The following ERC2 variants were observed in gnomAD, a reference collection of about 807,000 sequenced individuals.
The protein encoded by ERC2 is ELKS/RAB6-interacting/CAST family member 2.
In ERC2, 42 loss-of-function variants were observed where a neutral mutation model predicts 114.8. The observed-to-expected ratio is 0.37, with a 90% CI of 0.29 to 0.47. The LOEUF (loss-of-function observed/expected upper bound fraction) is 0.47. Among genes scored for constraint, ERC2 ranks in the 20% least tolerant of loss-of-function variants. The pLI, the probability that ERC2 is intolerant of heterozygous loss-of-function variation, is 0.99. For synonymous variants in ERC2, 454 were observed against 425.5 expected, an observed-to-expected ratio of 1.07 and a Z score of -0.82; for missense variants, 939 against 1,150.7, an observed-to-expected ratio of 0.82 and a Z score of 2.66.
At chr3:56,105,225 G>A (rs2078589040) in intron 6 of ERC2, among the ~76,000 whole-genome samples, 1 of 152,168 alleles carries the variant, frequency 6.6e-6, no homozygotes, top group Admixed American at 6.5e-5. Flanking sequence ...GGTAAGGACA[G>A]GGATGAAGAA....
intron 14 of ERC2, among the ~76,000 whole-genome samples, chr3:55,849,909 A>T (rs1056592518): frequency 3.3e-5 from 5 of 152,226 alleles, no homozygotes; most frequent in Admixed American, 1.3e-4. Context: ...TTGCCATAAT[A>T]AATTACCGCT....
chr3:56,141,364 G>C (rs1442651544), intron 5 of ERC2, among the ~76,000 whole-genome samples: 2 of 152,148 alleles, frequency 1.3e-5, no homozygotes, highest in African/African-American at 2.4e-5. Flanking sequence ...TAGCCTACAG[G>C]GGGACTGGCA....
At chr3:56,390,165 C>T (rs763777071) in intron 2 of ERC2, among the ~76,000 whole-genome samples, 13 of 152,062 alleles carry the variant, frequency 8.5e-5, no homozygotes, top group Non-Finnish European at 1.5e-4. Flanking sequence ...CTATTAGAAA[C>T]CATTCTTTAA....
intron 17 of ERC2, among the ~76,000 whole-genome samples, chr3:55,668,995 C>T (rs1007468106): frequency 3.9e-5 from 6 of 152,192 alleles, no homozygotes; most frequent in South Asian, 2.1e-4. Context: ...GGTTATCCCT[C>T]CCAGTGTCTT....
At chr3:55,937,659 A>T (rs1034921154) in intron 13 of ERC2, among the ~76,000 whole-genome samples, 2 of 152,104 alleles carry the variant, frequency 1.3e-5, no homozygotes, top group Non-Finnish European at 2.9e-5. Flanking sequence ...ATACAAGAGT[A>T]AAAAAAAGCA....
chr3:56,205,533 T>C (rs1267011201), intron 3 of ERC2, among the ~76,000 whole-genome samples: 1 of 152,186 alleles, frequency 6.6e-6, no homozygotes, highest in African/African-American at 2.4e-5. Context: ...CATTAGGGCC[T>C]ATTATCTTTT....
chr3:56,116,557 A>G (rs1228524638), intron 6 of ERC2, among the ~76,000 whole-genome samples: 1 of 152,200 alleles, frequency 6.6e-6, no homozygotes, highest in East Asian at 1.9e-4. Context: ...TTCAATATTC[A>G]TAAAGTCAGG....
chr3:56,332,119 G>A (rs149978324), intron 2 of ERC2, among the ~76,000 whole-genome samples: 14 of 140,112 alleles, frequency 1.0e-4, no homozygotes, highest in African/African-American at 3.6e-4. Flanking sequence ...CCAGGGGAAA[G>A]ACTTCCTATT....
chr3:55,621,162 T>C (rs541848424), intron 17 of ERC2, among the ~76,000 whole-genome samples: 1,985 of 151,196 alleles, frequency 0.013, 57 homozygotes, highest in African/African-American at 0.047. Context: ...CTGCCCCCCC[T>C]CCAGCCAGAG....
chr3:56,109,049 A>C (rs1180440571), intron 6 of ERC2, among the ~76,000 whole-genome samples: 1 of 152,170 alleles, frequency 6.6e-6, no homozygotes, highest in African/African-American at 2.4e-5. Context: ...TCGAGGATAC[A>C]TGTGCAGGTT....
At chr3:56,024,202 A>C (rs1313195274) in intron 7 of ERC2, among the ~76,000 whole-genome samples, 1 of 152,188 alleles carries the variant, frequency 6.6e-6, no homozygotes, top group African/African-American at 2.4e-5. Flanking sequence ...AAAGGCTAGA[A>C]AATCAGGGTC....
chr3:56,410,409 T>C (rs896074056), intron 2 of ERC2, among the ~76,000 whole-genome samples: 5 of 152,232 alleles, frequency 3.3e-5, no homozygotes, highest in African/African-American at 4.8e-5. Context: ...CAGCACGATA[T>C]TCCTGTAATA....
intron 14 of ERC2, among the ~76,000 whole-genome samples, chr3:55,781,489 T>A (rs1053266604): frequency 1.8e-4 from 26 of 148,348 alleles, no homozygotes; most frequent in African/African-American, 5.2e-4. Context: ...TTTAATTTTT[T>A]AAAAATGGTT....
rs35092672 is a variant in ERC2, at chr3:56,084,014, GA to G, written c.1474-3031del. The stretch of plus-strand genomic sequence containing the variant: ...TAGGCAAGTAAAATTTGAATGGAAA[GA>G]AAAAAAAAGAATAAAGAAATCAAAA... On this transcript the variant is annotated intron_variant, in intron 6 of 17. Coordinates refer to ENST00000288221, the MANE Select transcript of ERC2 (RefSeq NM_015576.3). Among the ~76,000 whole-genome samples, 23 of 147,558 alleles carry G rather than the reference GA, an allele frequency of 1.6e-4. No individual in the cohort carries two copies. In the East Asian group the frequency reaches 3.0e-3, roughly 19 times the overall value.
At chr3:55,521,086 G>T (rs1318722749) in intron 17 of ERC2, among the ~76,000 whole-genome samples, 1 of 152,230 alleles carries the variant, frequency 6.6e-6, no homozygotes, top group Admixed American at 6.5e-5. Context: ...TAGTCTCCAG[G>T]ATTTGAAGGC....
intron 17 of ERC2, among the ~76,000 whole-genome samples, chr3:55,633,660 G>T (rs1395473659): frequency 2.6e-5 from 4 of 152,174 alleles, no homozygotes; most frequent in Non-Finnish European, 5.9e-5. Context: ...CCTGCTATTT[G>T]CAAACACTGG....
chr3:56,071,934 G>C (rs566353985), intron 7 of ERC2, among the ~76,000 whole-genome samples: 4 of 152,280 alleles, frequency 2.6e-5, no homozygotes, highest in Non-Finnish European at 2.9e-5. Context: ...CGATCAATTG[G>C]TTAAAGTCAC....
intron 14 of ERC2, among the ~76,000 whole-genome samples, chr3:55,837,172 T>C (rs1018780843): frequency 1.3e-5 from 2 of 152,282 alleles, no homozygotes; most frequent in Admixed American, 1.3e-4. Context: ...GTAAACTAGT[T>C]CAACCATTGT....
At chr3:55,799,837 T>G (rs67904715) in intron 14 of ERC2, among the ~76,000 whole-genome samples, 14,960 of 152,098 alleles carry the variant, frequency 0.098, 1,238 homozygotes, top group African/African-American at 0.22. Context: ...TTGGCCATTT[T>G]GGGCTCTTCG....
Sources: gnomAD v4.1 joint callset for allele counts (sites outside exome capture counted in the v4.1 genomes callset) on GRCh38, gnomAD v4.1.1 for gene constraint, MANE v1.5 for transcripts, NCBI Gene and HGNC (gene_info 2026-07-23, HGNC 2026-07-21) for gene names.